TRIM49C: variants seen among roughly 807,000 people sequenced by gnomAD.
TRIM49C encodes the protein tripartite motif-containing protein 49C.
TRIM49C carries 6 observed loss-of-function variants against 21.4 expected under a neutral mutation model. That is an observed-to-expected ratio of 0.28 (90% confidence interval 0.15 to 0.55). The LOEUF (loss-of-function observed/expected upper bound fraction) is 0.55. Ranked by LOEUF, TRIM49C falls within the 20% of genes least tolerant of loss-of-function variation. The probability of loss-of-function intolerance (pLI) is 0.94; values close to 1 mark genes in which losing one functional copy is unlikely to be tolerated. For synonymous variants in TRIM49C, 57 were observed against 148.1 expected, an observed-to-expected ratio of 0.38 and a Z score of 4.47; for missense variants, 161 against 442.4, an observed-to-expected ratio of 0.36 and a Z score of 5.71.
the TRIM49C span, among the ~76,000 whole-genome samples, chr11:90,056,181 C>T: frequency 3.7e-5 from 5 of 135,952 alleles, no homozygotes; most frequent in Non-Finnish European, 4.8e-5. Flanking sequence ...AAGATGGTCT[C>T]GATCTCCTGA....
At chr11:90,069,371 CA>C in the TRIM49C span, among the ~76,000 whole-genome samples, 1 of 125,310 alleles carries the variant, frequency 8.0e-6, no homozygotes, top group Non-Finnish European at 1.7e-5. Context: ...CTCGACCTCC[CA>C]AAAAAGTGCT....
In TRIM49C at chr11:90,039,728, G is replaced by A. The variant is rs543192223; in HGVS notation, c.762-137G>A. 6.0e-3 allele frequency: 3,662 copies of A among 613,206 alleles called. 340 individuals carry two copies. The African/African-American group carries it at 0.065, about 11-fold the overall frequency. The allele number at this position is 613,206 out of a possible 1,614,324, so 38.0% of individuals were successfully genotyped here. A position where few individuals can be genotyped will look rare whatever the true frequency, so the allele number is the denominator to read the frequency against. On this transcript the variant is annotated intron_variant, in intron 6 of 7. Transcript: ENST00000448984. ...TTTAGAAACTGTAAAGAATTAATTT[G>A]CAAAAGGAAGGATTAATTTTTGAAT... is the stretch of plus-strand genomic sequence containing the variant.
At chr11:90,073,170 T>C in the TRIM49C span, 17 of 978,646 alleles carry the variant, frequency 1.7e-5, 1 homozygote, top group African/African-American at 2.6e-4. Context: ...ATATTTCTTC[T>C]TTTATGTGTG....
chr11:90,065,562 G>A, the TRIM49C span, among the ~76,000 whole-genome samples: 4 of 139,700 alleles, frequency 2.9e-5, 1 homozygote, highest in Non-Finnish European at 6.2e-5. Context: ...TGGCTGATTA[G>A]GTTTATAAGG....
chr11:90,045,145 C>A (rs1475348937), downstream of TRIM49C, among the ~76,000 whole-genome samples: 4 of 137,080 alleles, frequency 2.9e-5, no homozygotes, highest in African/African-American at 5.3e-5. Flanking sequence ...GTCTCTGTTT[C>A]GGTACCAGTC....
chr11:90,062,810 G>A, the TRIM49C span: 11 of 1,418,016 alleles, frequency 7.8e-6, 3 homozygotes, highest in Non-Finnish European at 9.3e-6. Context: ...TGGTGTTGAA[G>A]TTGGGCTTCT....
At position 90,037,159 on chromosome 11, in the gene TRIM49C, A is replaced by G. The variant is rs1395582897; in HGVS notation, c.508-590A>G. Among the ~76,000 whole-genome samples the G allele has an allele frequency of 1.0e-4, 14 of 135,848 alleles. 3 individuals carry two copies. Among genetic ancestry groups the G allele is most frequent in the Non-Finnish European group, 4.8e-5 (3 of 62,714 alleles). 89.1% of individuals were successfully genotyped at this position (135,848 alleles called of 152,430 possible). ...GTTGGAGAGAATAGCATATGCAGTA[A>G]TTTTGAGTTTGTGTATATTTGGAGG... On this transcript the variant is annotated intron_variant, in intron 4 of 7. Transcript: ENST00000448984.
the TRIM49C span, among the ~76,000 whole-genome samples, chr11:90,055,584 A>T: frequency 6.6e-6 from 1 of 151,552 alleles, no homozygotes; most frequent in East Asian, 1.9e-4. Flanking sequence ...GCATTCCCAG[A>T]TATATCTTAC....
downstream of TRIM49C, among the ~76,000 whole-genome samples, chr11:90,046,065 T>G (rs1950799536): frequency 6.6e-5 from 8 of 121,970 alleles, 2 homozygotes; most frequent in Admixed American, 7.3e-4. Context: ...TGGTTCTGTT[T>G]ATATGCTGGA....
At chr11:90,070,590 C>T in the TRIM49C span, among the ~76,000 whole-genome samples, 1 of 139,470 alleles carries the variant, frequency 7.2e-6, no homozygotes, top group African/African-American at 2.6e-5. Context: ...ACACTCCTCT[C>T]CATGAGCGGT....
chr11:90,063,066 G>A, the TRIM49C span: 20 of 1,364,042 alleles, frequency 1.5e-5, 3 homozygotes, highest in East Asian at 5.2e-4. Context: ...CGATGAAAAG[G>A]AAAAAAAGGC....
At chr11:90,068,950 G>C in the TRIM49C span, among the ~76,000 whole-genome samples, 12 of 105,354 alleles carry the variant, frequency 1.1e-4, no homozygotes, top group Non-Finnish European at 1.6e-4. Context: ...ATTGCACCAC[G>C]CTTAAGCCTG....
chr11:90,071,722 T>C, the TRIM49C span: 227,030 of 1,229,838 alleles, frequency 0.18, 44,056 homozygotes, highest in African/African-American at 0.38. Context: ...CTGCACATGC[T>C]CCAGCCTGTG....
intron 3 of TRIM49C, 87 bp downstream of exon 3, chr11:90,035,709 C>T (rs1447093316): frequency 7.3e-7 from 1 of 1,368,034 alleles, no homozygotes; most frequent in Non-Finnish European, 9.6e-7. Context: ...GTAAAGCCAA[C>T]TCTGAGTCCC....
the TRIM49C span, among the ~76,000 whole-genome samples, chr11:90,054,481 T>G: frequency 7.3e-6 from 1 of 137,572 alleles, no homozygotes; most frequent in Non-Finnish European, 1.6e-5. Flanking sequence ...GAGGCTAGAG[T>G]GCAGTGGCAT....
chr11:90,042,283 C>T (rs1213530239), downstream of TRIM49C, among the ~76,000 whole-genome samples: 2 of 144,056 alleles, frequency 1.4e-5, no homozygotes, highest in African/African-American at 5.1e-5. Flanking sequence ...TTAACCAGGG[C>T]ACAAATTAAT....
chr11:90,039,720 A>C lies in TRIM49C; in HGVS notation c.762-145A>C, dbSNP rs1247983093. ...CTTTAAAATTTAGAAACTGTAAAGA[A>C]TTAATTTGCAAAAGGAAGGATTAAT... On this transcript the variant is annotated intron_variant, in intron 6 of 7. Coordinates refer to ENST00000448984, the MANE Select transcript of TRIM49C (RefSeq NM_001195234.1). The C allele has an allele frequency of 5.8e-5, 32 of 552,928 alleles. 3 individuals are homozygous for C. Among genetic ancestry groups the C allele is most frequent in the Non-Finnish European group, 8.7e-5 (28 of 322,720 alleles). The allele number at this position is 552,928 out of a possible 1,614,324, so 34.3% of individuals were successfully genotyped here.
downstream of TRIM49C, among the ~76,000 whole-genome samples, chr11:90,046,026 T>C (rs1175304200): frequency 8.2e-6 from 1 of 122,194 alleles, no homozygotes; most frequent in African/African-American, 3.3e-5. Flanking sequence ...TTTCTGCATC[T>C]ATTGAGATAA....
At chr11:90,065,879 C>T in the TRIM49C span, among the ~76,000 whole-genome samples, 1 of 134,516 alleles carries the variant, frequency 7.4e-6, no homozygotes, top group Non-Finnish European at 1.6e-5. Context: ...TCACTTGAAC[C>T]TGGGAGGCAG....
Sources: gnomAD v4.1 joint callset for allele counts (sites outside exome capture counted in the v4.1 genomes callset) on GRCh38, gnomAD v4.1.1 for gene constraint, MANE v1.5 for transcripts, NCBI Gene and HGNC (gene_info 2026-07-23, HGNC 2026-07-21) for gene names.